The following NFATC4 variants were observed in gnomAD, a reference collection of about 807,000 sequenced individuals.
NFATC4 encodes the protein nuclear factor of activated T cells 4, also known as nuclear factor of activated T-cells, cytoplasmic 4.
Under a neutral mutation model 73.4 loss-of-function variants are expected in NFATC4, and 25 were observed. That is an observed-to-expected ratio of 0.34 (90% CI 0.25 to 0.48). The LOEUF is 0.48. Among genes scored for constraint, NFATC4 ranks in the 20% least tolerant of loss-of-function variants. The pLI, the probability that NFATC4 is intolerant of heterozygous loss-of-function variation, is 0.99. For missense variants in NFATC4, 1,130 were observed against 1,203.7 expected, an observed-to-expected ratio of 0.94 and a Z score of 0.91; for synonymous variants, 523 against 510.3, an observed-to-expected ratio of 1.02 and a Z score of -0.34.
Position 24,370,511 on chromosome 14 carries a change from G to A in NFATC4, c.1113G>A (p.Glu371=). The A allele has an allele frequency of 6.2e-7, 1 of 1,614,196 alleles. No homozygotes were observed. The highest frequency in any genetic ancestry group is 8.5e-7 in the Non-Finnish European group (1 of 1,180,028). The change falls in exon 2 of 10, where the codon GAG becomes GAA. Residue 371 remains glutamate, a synonymous_variant. Coordinates refer to ENST00000250373, the MANE Select transcript of NFATC4 (RefSeq NM_004554.5). The stretch of plus-strand genomic sequence containing the variant: ...CTCCTCCAGGAGGTTCCCGGAAGGA[G>A]GTGGCTGGCATGGACTACCTGGCAG... ...SVAPPGGSRK[E]VAGMDYLAVP... is the part of the protein sequence containing the mutation.
intron 1 of NFATC4, 67 bp from the exon 2 acceptor site, chr14:24,369,432 G>C (rs1049732613): frequency 2.4e-5 from 38 of 1,609,578 alleles, no homozygotes; most frequent in Admixed American, 8.3e-5. Context: ...GCCACTCAAG[G>C]AACATAGCCA....
chr14:24,373,162 C>T lies in NFATC4; in HGVS notation c.1360-9C>T, dbSNP rs757041760. 1.2e-6 allele frequency: 2 copies of T among 1,613,252 alleles called. No homozygotes were observed. The highest frequency in any genetic ancestry group is 3.3e-5 in the Admixed American group (2 of 60,004). ...TTTCAATGAGGTGGCCGCTCTCTCC[C>T]TCTGCCAGCTCCTAGGCTACAGTGA... On this transcript the variant is annotated splice_polypyrimidine_tract_variant and intron_variant, in intron 3 of 9. Transcript: ENST00000250373. The surrounding 1 kb of genome is among the most constrained non-coding windows in gnomAD (Gnocchi z 4.7).
In NFATC4 at chr14:24,369,820, G is replaced by T; in HGVS notation, c.422G>T (p.Gly141Val). ...LEDNPDAWGD[G>V]SPRDYPPPEG... is the part of the protein sequence containing the mutation. ...GACAACCCTGATGCCTGGGGGGACG[G>T]CTCTCCTAGAGATTACCCCCCACCA... The change falls in exon 2 of 10, where the codon GGC (glycine) becomes GTC (valine). Residue 141 changes from glycine (G) to valine (V), a missense_variant. By Grantham distance (109) the Gly-to-Val change is moderately radical. Transcript: ENST00000250373. 6.2e-7 allele frequency: 1 copy of T among 1,600,340 alleles called. No individual in the cohort carries two copies. The highest frequency in any genetic ancestry group is 2.3e-5 in the East Asian group (1 of 44,272).
chr14:24,367,396 A>T (rs982106772), upstream of NFATC4: 36 of 1,535,544 alleles, frequency 2.3e-5, no homozygotes, highest in Non-Finnish European at 2.7e-5. Context: ...GGAGGCTGCC[A>T]ACTTCCCGTG....
At position 24,376,063 on chromosome 14, in the gene NFATC4, G is replaced by A. The variant is rs1331992120; in HGVS notation, c.2018G>A (p.Arg673Lys). 6 of 1,614,072 alleles carry A rather than the reference G, an allele frequency of 3.7e-6. No homozygotes were observed. The highest frequency in any genetic ancestry group is 2.2e-5 in the East Asian group (1 of 44,882). ...TACTTTTATGTCTCCAATGGGCGGA[G>A]GAAACGCAGTCCTACCCAGAGTTTC... ...QVYFYVSNGR[R>K]KRSPTQSFRF... The change falls in exon 8 of 10, where the codon AGG becomes AAG. Residue 673 changes from arginine (R) to lysine (K), a missense_variant. By Grantham distance (26) the Arg-to-Lys change is conservative (BLOSUM62 2). This residue lies in a region of NFATC4 where 390 missense variants were observed against 408.1 expected (regional missense o/e 0.96). Transcript: ENST00000250373. The surrounding 1 kb of genome is among the most constrained non-coding windows in gnomAD (Gnocchi z 5.0).
rs1594697505 is a variant in NFATC4 at position 24,368,392 on chromosome 14, G to A, written c.52G>A (p.Gly18Arg). Residue 18 changes from glycine to arginine, a missense_variant, in exon 1 of 10, where the codon GGG (glycine) becomes AGG (arginine). Physicochemically the swap from Gly to Arg is moderately radical, Grantham distance 125 (BLOSUM62 -2). Coordinates refer to ENST00000250373, the MANE Select transcript of NFATC4 (RefSeq NM_004554.5). ...DEELEFKLVF[G>R]EEKEAPPLGA... ...GGAGCTGGAATTTAAGCTGGTGTTC[G>A]GGGAGGAAAAGGAGGCCCCCCCGCT... 2 of 1,360,716 alleles carry A rather than the reference G, an allele frequency of 1.5e-6. No individual in the cohort carries two copies. Among genetic ancestry groups the A allele is most frequent in the East Asian group, 3.0e-5 (1 of 33,250 alleles). The allele number at this position is 1,360,716 out of a possible 1,614,324, so 84.3% of individuals were successfully genotyped here. A position where few individuals can be genotyped will look rare whatever the true frequency, so the allele number is the denominator to read the frequency against.
rs771078914 is a variant in NFATC4 at position 24,376,075 on chromosome 14, C to T, written c.2030C>T (p.Pro677Leu). Reference sequence around the variant, plus strand: ...TCCAATGGGCGGAGGAAACGCAGTCCTACCCAGAGTTTCAGGTTTCTGCCT... The same window carrying T: ...TCCAATGGGCGGAGGAAACGCAGTCTTACCCAGAGTTTCAGGTTTCTGCCT... ...YVSNGRRKRS[P>L]TQSFRFLPVI... Residue 677 changes from proline (P) to leucine (L), a missense_variant, in exon 8 of 10, where the codon CCT becomes CTT. By Grantham distance (98) the Pro-to-Leu change is moderately conservative. This residue lies in a region of NFATC4 where 390 missense variants were observed against 408.1 expected (regional missense o/e 0.96). Transcript: ENST00000250373. The surrounding 1 kb of genome is among the most constrained non-coding windows in gnomAD (Gnocchi z 5.0). The T allele has an allele frequency of 1.2e-6, 2 of 1,614,048 alleles. No homozygotes were observed. The highest frequency in any genetic ancestry group is 1.1e-5 in the South Asian group (1 of 91,080).
chr14:24,367,770 T>C, upstream of NFATC4: 4 of 1,383,588 alleles, frequency 2.9e-6, no homozygotes, highest in Non-Finnish European at 3.8e-6. Context: ...GGTTCTGCCT[T>C]GCTAGGTGCT....
Position 24,373,216 on chromosome 14 carries a change from G to C in NFATC4, c.1405G>C (p.Gly469Arg). Residue 469 changes from glycine (G) to arginine (R), a missense_variant, in exon 4 of 10, where the codon GGC becomes CGC. Gly to Arg is a moderately radical substitution (Grantham distance 125, BLOSUM62 -2). Coordinates refer to ENST00000250373, the MANE Select transcript of NFATC4 (RefSeq NM_004554.5). This position sits in a 1 kb window ranked among gnomAD's most constrained non-coding sequence, Gnocchi z 4.7. ...GCCACTGACCCTACAGATGTTCATCGGCACTGCAGATGAAAGGAACCTGCG... is the reference window on the plus strand; with the variant it reads ...GCCACTGACCCTACAGATGTTCATCCGCACTGCAGATGAAAGGAACCTGCG... ...EKPLTLQMFI[G>R]TADERNLRPH... 6.2e-7 allele frequency: 1 copy of C among 1,614,146 alleles called. No individual in the cohort carries two copies. The highest frequency in any genetic ancestry group is 1.1e-5 in the South Asian group (1 of 91,072).
At position 24,374,688 on chromosome 14, in the gene NFATC4, C is replaced by T. The variant is rs1445597882; in HGVS notation, c.1873+222C>T. ...GGATGCTGAACAAATGGAAGCAATG[C>T]ACATTCTGTCTAATAAAGAGGAGTC... On this transcript the variant is annotated intron_variant, in intron 6 of 9. Transcript: ENST00000250373. 1.2e-5 allele frequency: 6 copies of T among 493,394 alleles called. No individual in the cohort carries two copies. The Admixed American group carries it at 2.2e-4, about 18-fold the overall frequency. The allele number at this position is 493,394 out of a possible 1,614,324, so 30.6% of individuals were successfully genotyped here.
At position 24,370,258 on chromosome 14, in the gene NFATC4, G is replaced by T; in HGVS notation, c.860G>T (p.Arg287Leu). The T allele has an allele frequency of 6.2e-7, 1 of 1,612,674 alleles. No individual in the cohort carries two copies. The highest frequency in any genetic ancestry group is 8.5e-7 in the Non-Finnish European group (1 of 1,179,746). Residue 287 changes from arginine to leucine, a missense_variant, in exon 2 of 10, where the codon CGT becomes CTT. Transcript: ENST00000250373. ...TCAGCCTCCCCAGCTCTGTCCCGCC[G>T]TGGCAGCCTGGGGGAAGAGGGGTCT... ...PSSASPALSRRGSLGEEGSEP... is the reference protein window; with the variant it reads ...PSSASPALSRLGSLGEEGSEP...
upstream of NFATC4, chr14:24,367,581 G>A (rs1380708639): frequency 2.6e-6 from 4 of 1,536,170 alleles, no homozygotes; most frequent in South Asian, 1.2e-5. Flanking sequence ...TGGGGGTCCT[G>A]GAGGAATGGC....
intron 2 of NFATC4, among the ~76,000 whole-genome samples, chr14:24,371,393 TC>T (rs2042468402): frequency 6.6e-6 from 1 of 152,200 alleles, no homozygotes; most frequent in Non-Finnish European, 1.5e-5. Flanking sequence ...TTTAGCAGCT[TC>T]CCTGGCCTCT....
At chr14:24,366,996 T>A, upstream of NFATC4, 1 of 1,605,856 alleles carries the variant, frequency 6.2e-7, no homozygotes, top group Non-Finnish European at 8.5e-7. Flanking sequence ...ACCGGAGGGA[T>A]TTAGAGACTG....
chr14:24,376,388 A>T lies in NFATC4; in HGVS notation c.2151A>T (p.Pro717=), dbSNP rs764627971. The T allele has an allele frequency of 6.2e-7, 1 of 1,612,640 alleles. No individual in the cohort carries two copies. The highest frequency in any genetic ancestry group is 8.5e-7 in the Non-Finnish European group (1 of 1,179,370). Residue 717 remains proline (P), a synonymous_variant, in exon 9 of 10, where the codon CCA becomes CCT. Transcript: ENST00000250373. The surrounding 1 kb of genome is among the most constrained non-coding windows in gnomAD (Gnocchi z 5.0). ...TPFGTDMDFS[P]PRPPYPSYPH... is the part of the protein sequence containing the mutation. Reference sequence around the variant, plus strand: ...TTGGCACTGACATGGACTTCTCACCACCCAGGCCCCCCTACCCCTCCTATC... The same window carrying T: ...TTGGCACTGACATGGACTTCTCACCTCCCAGGCCCCCCTACCCCTCCTATC...
chr14:24,373,617 C>A lies in NFATC4; in HGVS notation c.1560-78C>A. On this transcript the variant is annotated intron_variant, in intron 4 of 9. Coordinates refer to ENST00000250373, the MANE Select transcript of NFATC4 (RefSeq NM_004554.5). This position sits in a 1 kb window ranked among gnomAD's most constrained non-coding sequence, Gnocchi z 4.7. ...GTCATTCAAGGCTTTGGATGGAGGG[C>A]GGGAACTTCCCTCTTTAGGGATGTA... The A allele has an allele frequency of 6.5e-7, 1 of 1,540,934 alleles. No individual in the cohort carries two copies. Among genetic ancestry groups the A allele is most frequent in the South Asian group, 1.3e-5 (1 of 79,610 alleles).
In NFATC4 at chr14:24,378,692, A is replaced by G. The variant is rs2042694449; in HGVS notation, c.*987A>G. ...GATTTGTGCTTCAGAGGTAGACTGC[A>G]GAAAGCAAACAGTCTACCCAGCAGC... On this transcript the variant is annotated 3_prime_UTR_variant, in exon 10 of 10. Coordinates refer to ENST00000250373, the MANE Select transcript of NFATC4 (RefSeq NM_004554.5). 6.6e-6 allele frequency: 1 copy of G among 152,294 alleles called. No homozygotes were observed. The highest frequency in any genetic ancestry group is 1.5e-5 in the Non-Finnish European group (1 of 68,068). 9.4% of individuals were successfully genotyped at this position (152,294 alleles called of 1,614,324 possible).
chr14:24,373,418 T>C lies in NFATC4; in HGVS notation c.1559+48T>C. 1.3e-6 allele frequency: 2 copies of C among 1,597,444 alleles called. No individual in the cohort carries two copies. The highest frequency in any genetic ancestry group is 1.7e-6 in the Non-Finnish European group (2 of 1,167,294). On this transcript the variant is annotated intron_variant, in intron 4 of 9. Coordinates refer to ENST00000250373, the MANE Select transcript of NFATC4 (RefSeq NM_004554.5). The surrounding 1 kb of genome is among the most constrained non-coding windows in gnomAD (Gnocchi z 4.7). ...TCAGTCCGCAGGCTTTGTACTAGCT[T>C]TCTCCACTGGGCCTATGCTAGCCCA...
chr14:24,372,389 C>G, intron 2 of NFATC4, 52 bp from the exon 3 acceptor site: 1 of 1,590,222 alleles, frequency 6.3e-7, no homozygotes, highest in Admixed American at 1.7e-5. Flanking sequence ...CCAGTACGGG[C>G]CTGACTGGGG....
Sources: gnomAD v4.1 joint callset for allele counts (sites outside exome capture counted in the v4.1 genomes callset) on GRCh38, gnomAD v4.1.1 for gene constraint, gnomAD v4.1.1 regional missense constraint, Gnocchi (gnomAD v3.1) non-coding constraint, MANE v1.5 for transcripts, NCBI Gene and HGNC (gene_info 2026-07-23, HGNC 2026-07-21) for gene names.